Variants in ZCCHC2 observed in about 807,000 individuals in gnomAD.
The protein encoded by ZCCHC2 is zinc finger CCHC-type containing 2.
A neutral mutation model predicts 103.6 loss-of-function variants in ZCCHC2; 39 were observed. That is an observed-to-expected ratio of 0.38 (90% CI 0.29 to 0.49). The LOEUF is 0.49. Ranked by LOEUF, ZCCHC2 falls within the 20% of genes least tolerant of loss-of-function variation. The pLI is 0.96. For missense variants in ZCCHC2, 1,483 were observed against 1,491.0 expected, an observed-to-expected ratio of 0.99 and a Z score of 0.09; for synonymous variants, 687 against 608.9, an observed-to-expected ratio of 1.13 and a Z score of -1.89.
chr18:62,573,092 CT>C (rs1320648813), intron 12 of ZCCHC2, among the ~76,000 whole-genome samples: 1 of 152,046 alleles, frequency 6.6e-6, no homozygotes. Context: ...TGTTTGAAAA[CT>C]TTTTAATATC....
intron 1 of ZCCHC2, chr18:62,524,690 T>A: frequency 2.9e-6 from 1 of 343,206 alleles, no homozygotes; most frequent in Non-Finnish European, 5.3e-6. Context: ...GTCGGGACGT[T>A]TTTGGCTCTG....
At chr18:62,578,695 C>T (rs1313640391), downstream of ZCCHC2, 1 of 152,180 alleles carries the variant, frequency 6.6e-6, no homozygotes, top group Non-Finnish European at 1.5e-5. Context: ...AAGGATCAAT[C>T]CATTTCCCTG....
At chr18:62,583,957 G>A (rs1164340392) in intron 14 of ZCCHC2, among the ~76,000 whole-genome samples, 1 of 152,002 alleles carries the variant, frequency 6.6e-6, no homozygotes, top group Non-Finnish European at 1.5e-5. Context: ...AGGCCAGGGC[G>A]GACAACCTTG....
intron 11 of ZCCHC2, among the ~76,000 whole-genome samples, chr18:62,567,864 G>C (rs556025515): frequency 1.7e-4 from 26 of 150,512 alleles, no homozygotes; most frequent in African/African-American, 5.9e-4. Context: ...AGCATCACTT[G>C]AACCCGGGAG....
intron 12 of ZCCHC2, among the ~76,000 whole-genome samples, chr18:62,573,749 A>C (rs1452223524): frequency 6.6e-6 from 1 of 152,206 alleles, no homozygotes; most frequent in Admixed American, 6.5e-5. Flanking sequence ...AGAGTGTCTG[A>C]TGCTCTTCTC....
Position 62,565,103 on chromosome 18 carries a change from A to G in ZCCHC2, c.1846+7A>G. The G allele has an allele frequency of 6.2e-7, 1 of 1,602,646 alleles. No individual in the cohort carries two copies. The highest frequency in any genetic ancestry group is 2.2e-5 in the East Asian group (1 of 44,798). Reference sequence around the variant, plus strand: ...CATGGTGGTACTGTGAAAGGTAAGAAGGTTATTTTTCTTTCAAATACCCAT... The same window carrying G: ...CATGGTGGTACTGTGAAAGGTAAGAGGGTTATTTTTCTTTCAAATACCCAT... On this transcript the variant is annotated splice_region_variant and intron_variant, in intron 11 of 13. Coordinates refer to ENST00000269499, the MANE Select transcript of ZCCHC2 (RefSeq NM_017742.6).
At chr18:62,556,381 C>A in intron 6 of ZCCHC2, 84 bp downstream of exon 6, 1 of 1,110,584 alleles carries the variant, frequency 9.0e-7, no homozygotes, top group South Asian at 1.6e-5. Context: ...GTAGGTTTGT[C>A]ACTTTAGTTA....
chr18:62,567,608 G>A (rs1916421148), intron 11 of ZCCHC2, among the ~76,000 whole-genome samples: 1 of 152,146 alleles, frequency 6.6e-6, no homozygotes, highest in African/African-American at 2.4e-5. Context: ...CTGAAAGTCT[G>A]TCTTCTGAAG....
At chr18:62,554,555 G>T (rs1262869534) in intron 5 of ZCCHC2, among the ~76,000 whole-genome samples, 5 of 151,988 alleles carry the variant, frequency 3.3e-5, no homozygotes, top group Admixed American at 6.5e-5. Context: ...GCTGATTTCA[G>T]TCCCCGCCTT....
At chr18:62,578,792 G>A (rs531624160), downstream of ZCCHC2, among the ~76,000 whole-genome samples, 1 of 152,096 alleles carries the variant, frequency 6.6e-6, no homozygotes, top group Non-Finnish European at 1.5e-5. Context: ...TTTGAGACGG[G>A]GTCTTGCTCT....
chr18:62,526,746 G>T (rs1051941860), intron 1 of ZCCHC2: 2 of 152,090 alleles, frequency 1.3e-5, no homozygotes, highest in Non-Finnish European at 2.9e-5. Flanking sequence ...CGCAACGCCC[G>T]GAGCTAGCGC....
intron 5 of ZCCHC2, among the ~76,000 whole-genome samples, chr18:62,553,156 ATGTGTGTGTG>A (rs142422088): frequency 0.018 from 2,482 of 139,822 alleles, 38 homozygotes; most frequent in African/African-American, 0.028. Context: ...CCTTAGATTT[ATGTGTGTGTG>A]TGTGTGTGTG....
intron 6 of ZCCHC2, among the ~76,000 whole-genome samples, chr18:62,557,657 G>A (rs952351640): frequency 2.0e-5 from 3 of 152,168 alleles, no homozygotes; most frequent in African/African-American, 7.2e-5. Context: ...CTTTCCCCCT[G>A]CGCCAAATGT....
intron 5 of ZCCHC2, among the ~76,000 whole-genome samples, chr18:62,554,537 G>A (rs896283598): frequency 6.6e-6 from 1 of 152,114 alleles, no homozygotes; most frequent in Admixed American, 6.5e-5. Flanking sequence ...CTTGACTTTA[G>A]TTTGCATGCT....
At chr18:62,551,113 T>C (rs991619086) in intron 5 of ZCCHC2, 1 of 152,212 alleles carries the variant, frequency 6.6e-6, no homozygotes, top group African/African-American at 2.4e-5. Flanking sequence ...GATGGGAAGT[T>C]GAGGGAATTT....
intron 5 of ZCCHC2, among the ~76,000 whole-genome samples, chr18:62,554,870 A>G (rs939794738): frequency 6.6e-6 from 1 of 152,240 alleles, no homozygotes; most frequent in Non-Finnish European, 1.5e-5. Context: ...CTTTCACATT[A>G]GAAGACCAAG....
chr18:62,526,641 G>C (rs1267916556), intron 1 of ZCCHC2, among the ~76,000 whole-genome samples: 6 of 151,962 alleles, frequency 3.9e-5, no homozygotes, highest in Non-Finnish European at 8.8e-5. Flanking sequence ...CACCCGGGGA[G>C]GGCGGGCGCA....
At chr18:62,575,868 C>G (rs1213481994) in intron 13 of ZCCHC2, among the ~76,000 whole-genome samples, 3 of 151,334 alleles carry the variant, frequency 2.0e-5, no homozygotes, top group African/African-American at 7.3e-5. Flanking sequence ...TTTTAAGCTA[C>G]AATCCTGTTT....
downstream of ZCCHC2, among the ~76,000 whole-genome samples, chr18:62,579,572 T>C (rs998655779): frequency 1.3e-5 from 2 of 152,204 alleles, no homozygotes; most frequent in African/African-American, 2.4e-5. Flanking sequence ...GCACCAACTT[T>C]CGTTTTCAGC....
Sources: allele counts gnomAD v4.1 joint callset (sites outside exome capture counted in the v4.1 genomes callset), GRCh38; gene constraint gnomAD v4.1.1; transcripts MANE v1.5; gene names NCBI Gene and HGNC (gene_info 2026-07-23, HGNC 2026-07-21).